Variants in CAPN10 observed in about 807,000 individuals in gnomAD.
The protein encoded by CAPN10 is calpain 10.
In CAPN10, 71 loss-of-function variants were observed where a neutral mutation model predicts 78.4. That is an observed-to-expected ratio of 0.91 (90% CI 0.75 to 1.10). The LOEUF (loss-of-function observed/expected upper bound fraction) is 1.10. Ranked by LOEUF, CAPN10 falls within the 50% of genes least tolerant of loss-of-function variation. The pLI is 0.00. For synonymous variants in CAPN10, 437 were observed against 407.2 expected (o/e 1.07, Z -0.88); for missense variants, 849 against 924.6 (o/e 0.92, Z 1.06).
Position 240,595,069 on chromosome 2 carries a change from A to G in CAPN10, c.1043A>G (p.Lys348Arg), listed in dbSNP as rs1219187442. Residue 348 changes from lysine to arginine, a missense_variant, in exon 7 of 12, where the codon AAG becomes AGG. By Grantham distance (26) the Lys-to-Arg change is conservative (BLOSUM62 2). Coordinates refer to ENST00000391984, the MANE Select transcript of CAPN10 (RefSeq NM_023083.4). ...CGGGCGCTGCCTGGGGCCTGGGTCA[A>G]GGGCCAGTCAGCAGGAGGCTGCCGG... is the stretch of plus-strand genomic sequence containing the variant. ...HTRALPGAWVKGQSAGGCRNN... is the reference protein window; with the variant it reads ...HTRALPGAWVRGQSAGGCRNN... 4 of 1,613,552 alleles carry G rather than the reference A, an allele frequency of 2.5e-6. No individual in the cohort carries two copies. The highest frequency in any genetic ancestry group is 1.1e-5 in the South Asian group (1 of 91,088).
intron 4 of CAPN10, chr2:240,592,849 C>T: frequency 5.6e-6 from 1 of 179,028 alleles, no homozygotes; most frequent in Non-Finnish European, 1.2e-5. Context: ...ATATTAAGAT[C>T]TCTCTGGTTT....
intron 1 of CAPN10, 22 bp from the exon 2 acceptor site, chr2:240,589,321 T>A (rs2093086780): frequency 6.2e-7 from 1 of 1,614,036 alleles, no homozygotes; most frequent in South Asian, 1.1e-5. Flanking sequence ...GATCTAACTC[T>A]GGACAACTTT....
At position 240,596,515 on chromosome 2, in the gene CAPN10, C is replaced by G; in HGVS notation, c.1475C>G (p.Ser492Cys). 6.2e-7 allele frequency: 1 copy of G among 1,604,250 alleles called. No homozygotes were observed. ...LLRVFSTGRVSLSAIRAVAKN... is the reference protein window; with the variant it reads ...LLRVFSTGRVCLSAIRAVAKN... ...CGAGTCTTCTCTACCGGGCGAGTCT[C>G]CCTTAGGTGAGAGGAACCGCGCAGT... The change falls in exon 8 of 12, where the codon TCC becomes TGC. Residue 492 changes from serine to cysteine, a missense_variant. Ser to Cys is a moderately radical substitution (Grantham distance 112). Coordinates refer to ENST00000391984, the MANE Select transcript of CAPN10 (RefSeq NM_023083.4).
rs768756976 is a variant in CAPN10, at chr2:240,598,349, C to T, written c.1944-3C>T. 9 of 1,613,690 alleles carry T rather than the reference C, an allele frequency of 5.6e-6. No homozygotes were observed. Among genetic ancestry groups the T allele is most frequent in the Admixed American group, 5.0e-5 (3 of 60,012 alleles). On this transcript the variant is annotated splice_region_variant and splice_polypyrimidine_tract_variant and intron_variant, in intron 10 of 11. Coordinates refer to ENST00000391984, the MANE Select transcript of CAPN10 (RefSeq NM_023083.4). The stretch of plus-strand genomic sequence containing the variant: ...GGAGCGCTGATCTGGTGTCTCTCCA[C>T]AGGCCATCCATTCACAGCCAGGAGA...
In CAPN10 at chr2:240,595,273, A is replaced by G; in HGVS notation, c.1247A>G (p.His416Arg). The G allele has an allele frequency of 6.2e-7, 1 of 1,613,566 alleles. No homozygotes were observed. The highest frequency in any genetic ancestry group is 8.5e-7 in the Non-Finnish European group (1 of 1,180,024). ...SWSPASIPGKHYQAVGLHLWK... is the reference protein window; with the variant it reads ...SWSPASIPGKRYQAVGLHLWK... ...AGCCCAGCGAGCATCCCGGGCAAGCACTACCAGGCTGTGGGTCTGCACCTC... is the reference window on the plus strand; with the variant it reads ...AGCCCAGCGAGCATCCCGGGCAAGCGCTACCAGGCTGTGGGTCTGCACCTC... The change falls in exon 7 of 12, where the codon CAC (histidine) becomes CGC (arginine). Residue 416 changes from histidine to arginine, a missense_variant. Coordinates refer to ENST00000391984, the MANE Select transcript of CAPN10 (RefSeq NM_023083.4).
At chr2:240,589,000 C>CAGTA (rs10680220) in intron 1 of CAPN10, among the ~76,000 whole-genome samples, 152,228 of 152,234 alleles carry the variant, frequency 1, 76,111 homozygotes, top group Middle Eastern at 1. Context: ...GCTAGAGAAA[C>CAGTA]AGATTTCCAG....
In CAPN10 at chr2:240,589,657, CA is replaced by C. The variant is rs142380588; in HGVS notation, c.273+184del. Reference sequence around the variant, plus strand: ...AGGACTGCACTCTGTCCCTCTGCTGCAGGGGGGGGTGCCTTGGCCTCGCCAG... The same window carrying C: ...AGGACTGCACTCTGTCCCTCTGCTGCGGGGGGGGTGCCTTGGCCTCGCCAG... On this transcript the variant is annotated intron_variant, in intron 2 of 11. Transcript: ENST00000391984. 4.9e-3 allele frequency: 3,895 copies of C among 795,172 alleles called. 84 individuals are homozygous for C. The African/African-American group carries it at 0.054, about 11-fold the overall frequency. 49.3% of individuals were successfully genotyped at this position (795,172 alleles called of 1,614,324 possible). A position where few individuals can be genotyped will look rare whatever the true frequency, so the allele number is the denominator to read the frequency against.
At position 240,595,318 on chromosome 2, in the gene CAPN10, G is replaced by C; in HGVS notation, c.1278+14G>C. On this transcript the variant is annotated intron_variant, in intron 7 of 11. Transcript: ENST00000391984. The stretch of plus-strand genomic sequence containing the variant: ...CACCTCTGGAAGGTAACTCAGCCCC[G>C]TCTGGCTCACGCTCGGTTCAGCAGG... 6.2e-7 allele frequency: 1 copy of C among 1,610,748 alleles called. No individual in the cohort carries two copies. Among genetic ancestry groups the C allele is most frequent in the Non-Finnish European group, 8.5e-7 (1 of 1,179,746 alleles).
At chr2:240,598,155 C>T in intron 10 of CAPN10, 68 bp downstream of exon 10, 5 of 1,453,488 alleles carry the variant, frequency 3.4e-6, no homozygotes, top group Non-Finnish European at 4.8e-6. Flanking sequence ...GCTCGCCTGT[C>T]CCCCCACGTC....
At chr2:240,590,318 C>T (rs938260184) in intron 2 of CAPN10, 3 of 152,986 alleles carry the variant, frequency 2.0e-5, no homozygotes, top group Non-Finnish European at 2.9e-5. Flanking sequence ...AGGCTCCCAG[C>T]AGCAGGAGGG....
rs541086071 is a variant in CAPN10, at chr2:240,591,026, G to C, written c.470+15G>C. On this transcript the variant is annotated intron_variant, in intron 3 of 11. Coordinates refer to ENST00000391984, the MANE Select transcript of CAPN10 (RefSeq NM_023083.4). ...GTCTACGCCAAGTGCGTGTGCTGGGGGCTGAAGGGCCTGGCCTGGGGCAAG... is the reference window on the plus strand; with the variant it reads ...GTCTACGCCAAGTGCGTGTGCTGGGCGCTGAAGGGCCTGGCCTGGGGCAAG... 1 of 1,610,904 alleles carries C rather than the reference G, an allele frequency of 6.2e-7. No individual in the cohort carries two copies. The highest frequency in any genetic ancestry group is 1.3e-5 in the African/African-American group (1 of 75,022).
At chr2:240,592,751 C>T (rs760468387) in intron 4 of CAPN10, 5 of 293,122 alleles carry the variant, frequency 1.7e-5, no homozygotes, top group Admixed American at 4.8e-5. Flanking sequence ...CCTTCCGCAC[C>T]GCTTCTCACA....
rs778830196 is a variant in CAPN10 at position 240,590,927 on chromosome 2, C to T, written c.386C>T (p.Pro129Leu). The T allele has an allele frequency of 1.5e-5, 24 of 1,614,110 alleles. No individual in the cohort carries two copies. Among genetic ancestry groups the T allele is most frequent in the East Asian group, 4.5e-5 (2 of 44,894 alleles). Residue 129 changes from proline to leucine, a missense_variant, in exon 3 of 12, where the codon CCG becomes CTG. Transcript: ENST00000391984. ...GAGGTGACCACAGATGACCGCCTGC[C>T]GTGCCTTGCAGGGAGACTCTGTTTC... ...WVEVTTDDRLPCLAGRLCFSR... is the reference protein window; with the variant it reads ...WVEVTTDDRLLCLAGRLCFSR...
chr2:240,596,444 T>G lies in CAPN10; in HGVS notation c.1404T>G (p.Ala468=). Residue 468 remains alanine (A), a synonymous_variant, in exon 8 of 12, where the codon GCT becomes GCG. Transcript: ENST00000391984. ...AGCTCTCACCGGGCTACTACCTGGCTGTCCCCAGCACCTTCCTGAAGGACG... is the reference window on the plus strand; with the variant it reads ...AGCTCTCACCGGGCTACTACCTGGCGGTCCCCAGCACCTTCCTGAAGGACG... ...RCELSPGYYL[A]VPSTFLKDAP... The G allele has an allele frequency of 6.2e-7, 1 of 1,613,714 alleles. No individual in the cohort carries two copies. Among genetic ancestry groups the G allele is most frequent in the Non-Finnish European group, 8.5e-7 (1 of 1,179,932 alleles).
intron 9 of CAPN10, among the ~76,000 whole-genome samples, chr2:240,597,560 TGGGCCACCGGCTCA>T (rs1055274739): frequency 5.9e-5 from 9 of 152,250 alleles, no homozygotes; most frequent in African/African-American, 1.9e-4. Context: ...CTGTTTGCCC[TGGGCCACCGGCTCA>T]GGTCCCCTAG....
Position 240,590,988 on chromosome 2 carries a change from C to G in CAPN10, c.447C>G (p.Pro149=), listed in dbSNP as rs767712152. The G allele has an allele frequency of 4.3e-6, 7 of 1,614,122 alleles. No homozygotes were observed. In the South Asian group the frequency reaches 7.7e-5, roughly 18 times the overall value. Residue 149 remains proline (P), a synonymous_variant, in exon 3 of 12, where the codon CCC becomes CCG. Transcript: ENST00000391984. ...AGAGGGAGGATGTGTTCTGGCTCCC[C>G]TTACTGGAAAAGGTCTACGCCAAGT... ...RCQREDVFWL[P]LLEKVYAKVH...
chr2:240,597,092 C>A, intron 9 of CAPN10, 150 bp downstream of exon 9: 2 of 987,634 alleles, frequency 2.0e-6, no homozygotes, highest in Non-Finnish European at 3.0e-6. Context: ...CCGCACAGGG[C>A]CCTCTCCCAT....
intron 5 of CAPN10, 171 bp from the exon 6 acceptor site, chr2:240,594,372 C>T (rs2093122211): frequency 1.4e-6 from 1 of 718,034 alleles, no homozygotes; most frequent in African/African-American, 1.8e-5. Context: ...CCAGAAGGCC[C>T]TGTGCTGCAG....
At chr2:240,593,628 A>G (rs2093117085) in intron 4 of CAPN10, among the ~76,000 whole-genome samples, 1 of 152,200 alleles carries the variant, frequency 6.6e-6, no homozygotes, top group South Asian at 2.1e-4. Flanking sequence ...ACGGACGATG[A>G]CTGAGGCCTA....
Sources: gnomAD v4.1 joint callset for allele counts (sites outside exome capture counted in the v4.1 genomes callset) on GRCh38, gnomAD v4.1.1 for gene constraint, MANE v1.5 for transcripts, NCBI Gene and HGNC (gene_info 2026-07-23, HGNC 2026-07-21) for gene names.